PIBF1: variants seen among roughly 807,000 people sequenced by gnomAD.
PIBF1 encodes the protein progesterone immunomodulatory binding factor 1.
PIBF1 carries 90 observed loss-of-function variants against 112.5 expected under a neutral mutation model. The observed-to-expected ratio is 0.80, with a 90% CI of 0.67 to 0.95. The LOEUF is 0.95. Among genes scored for constraint, PIBF1 ranks in the 40% least tolerant of loss-of-function variants. PIBF1 has a pLI of 0.00. For missense variants in PIBF1, 915 were observed against 852.3 expected (o/e 1.07, Z -0.92); for synonymous variants, 301 against 288.6 (o/e 1.04, Z -0.44).
At chr13:72,961,100 A>C (rs1055186505) in intron 14 of PIBF1, among the ~76,000 whole-genome samples, 5 of 150,910 alleles carry the variant, frequency 3.3e-5, no homozygotes, top group African/African-American at 1.2e-4. Flanking sequence ...TAACTATCAG[A>C]AAATTTCCTG....
intron 14 of PIBF1, among the ~76,000 whole-genome samples, chr13:72,959,033 C>T (rs879790218): frequency 6.6e-6 from 1 of 152,120 alleles, no homozygotes; most frequent in Admixed American, 6.6e-5. Flanking sequence ...GAGTCTTCCT[C>T]TGTCACCCGG....
intron 13 of PIBF1, among the ~76,000 whole-genome samples, chr13:72,923,322 A>G (rs1365890876): frequency 6.6e-6 from 1 of 152,192 alleles, no homozygotes; most frequent in Non-Finnish European, 1.5e-5. Flanking sequence ...AGCCAAAACC[A>G]ATAACCTGTA....
At chr13:72,853,102 G>T (rs2038246365) in intron 9 of PIBF1, among the ~76,000 whole-genome samples, 1 of 151,810 alleles carries the variant, frequency 6.6e-6, no homozygotes, top group African/African-American at 2.4e-5. Flanking sequence ...CTTACTGTTG[G>T]TATTTTTTTT....
intron 10 of PIBF1, among the ~76,000 whole-genome samples, chr13:72,876,209 C>G (rs1258398790): frequency 7.4e-6 from 1 of 134,250 alleles, no homozygotes; most frequent in Non-Finnish European, 1.5e-5. Context: ...ATCTTTCCAC[C>G]AGTATTCCCT....
intron 11 of PIBF1, among the ~76,000 whole-genome samples, chr13:72,905,695 C>T (rs2040679060): frequency 6.6e-6 from 1 of 152,028 alleles, no homozygotes; most frequent in African/African-American, 2.4e-5. Context: ...TAGCTGGTTA[C>T]AAACAAAATT....
chr13:72,901,348 G>A (rs1594156683), intron 11 of PIBF1, among the ~76,000 whole-genome samples: 1 of 151,984 alleles, frequency 6.6e-6, no homozygotes, highest in South Asian at 2.1e-4. Context: ...ACAAAACCAC[G>A]ATACAGTACC....
intron 12 of PIBF1, among the ~76,000 whole-genome samples, chr13:72,912,729 G>A (rs2138674144): frequency 6.6e-6 from 1 of 152,094 alleles, no homozygotes; most frequent in African/African-American, 2.4e-5. Context: ...AAAGGAAAAT[G>A]GTTAATCAAA....
chr13:72,861,607 TAGGCC>T (rs2038701776), intron 10 of PIBF1, among the ~76,000 whole-genome samples: 1 of 152,166 alleles, frequency 6.6e-6, no homozygotes, highest in Non-Finnish European at 1.5e-5. Flanking sequence ...AATCTGCTAC[TAGGCC>T]AGAGTGCAGT....
chr13:73,005,552 A>ACAATT (rs2044007128), intron 17 of PIBF1, among the ~76,000 whole-genome samples: 10 of 152,140 alleles, frequency 6.6e-5, no homozygotes, highest in South Asian at 4.1e-4. Flanking sequence ...AATTGTAAGT[A>ACAATT]GGTTACAAAA....
At chr13:72,985,371 CAAAAAAAA>C (rs67195605) in intron 16 of PIBF1, among the ~76,000 whole-genome samples, 12 of 76,276 alleles carry the variant, frequency 1.6e-4, no homozygotes, top group African/African-American at 6.1e-4. Flanking sequence ...ACTAAAAATA[CAAAAAAAA>C]AAAAAAAAAA....
intron 14 of PIBF1, among the ~76,000 whole-genome samples, chr13:72,946,745 T>C (rs1301292688): frequency 6.6e-6 from 1 of 152,198 alleles, no homozygotes; most frequent in East Asian, 1.9e-4. Flanking sequence ...CAGTCAAATC[T>C]TAAAGCTCCG....
At chr13:72,812,234 T>C (rs770903545) in intron 5 of PIBF1, among the ~76,000 whole-genome samples, 14 of 152,210 alleles carry the variant, frequency 9.2e-5, no homozygotes, top group African/African-American at 2.9e-4. Context: ...TCCACAGATA[T>C]GTTTTGGAGT....
At chr13:72,847,741 G>A (rs961382114) in intron 9 of PIBF1, among the ~76,000 whole-genome samples, 6 of 152,058 alleles carry the variant, frequency 3.9e-5, no homozygotes, top group Admixed American at 1.3e-4. Context: ...TGCTTATTTC[G>A]TTTTTATGTC....
chr13:72,924,184 A>C (rs2138726892), intron 13 of PIBF1, among the ~76,000 whole-genome samples: 1 of 152,310 alleles, frequency 6.6e-6, no homozygotes, highest in Non-Finnish European at 1.5e-5. Context: ...ATGCCCACTT[A>C]AAGTTTTAGG....
chr13:72,985,969 A>G (rs1191356138), intron 16 of PIBF1, among the ~76,000 whole-genome samples: 3 of 152,032 alleles, frequency 2.0e-5, no homozygotes, highest in Admixed American at 6.6e-5. Flanking sequence ...TGGTCAACAT[A>G]ATGAGACTCC....
At chr13:72,876,862 T>C (rs1179768492) in intron 10 of PIBF1, among the ~76,000 whole-genome samples, 1 of 152,192 alleles carries the variant, frequency 6.6e-6, no homozygotes, top group Non-Finnish European at 1.5e-5. Context: ...TCATATCATC[T>C]GCATACACAG....
At chr13:72,859,557 TAAC>T (rs928843262) in intron 10 of PIBF1, among the ~76,000 whole-genome samples, 10 of 152,120 alleles carry the variant, frequency 6.6e-5, no homozygotes, top group East Asian at 5.8e-4. Flanking sequence ...TATAAAACAA[TAAC>T]AACAAATTAA....
At chr13:72,939,885 A>G (rs1413374319) in intron 14 of PIBF1, among the ~76,000 whole-genome samples, 1 of 151,944 alleles carries the variant, frequency 6.6e-6, no homozygotes, top group Admixed American at 6.6e-5. Flanking sequence ...TCTAGTTTGC[A>G]TCGTTTCTGC....
At chr13:72,803,477 G>T (rs1293864141) in intron 5 of PIBF1, among the ~76,000 whole-genome samples, 1 of 151,978 alleles carries the variant, frequency 6.6e-6, no homozygotes, top group Admixed American at 6.5e-5. Flanking sequence ...GTATATTTGG[G>T]GTATTGCCAA....
Sources: gnomAD v4.1 joint callset for allele counts (sites outside exome capture counted in the v4.1 genomes callset) on GRCh38, gnomAD v4.1.1 for gene constraint, MANE v1.5 for transcripts, NCBI Gene and HGNC (gene_info 2026-07-23, HGNC 2026-07-21) for gene names.